PCDHGB4: variants seen among roughly 807,000 people sequenced by gnomAD.
PCDHGB4 encodes the protein protocadherin gamma subfamily B, 4.
In PCDHGB4, 38 loss-of-function variants were observed where a neutral mutation model predicts 60.5. The observed-to-expected ratio is 0.63, with a 90% CI of 0.48 to 0.82. PCDHGB4 has a LOEUF of 0.82. PCDHGB4 is among the 40% of genes least tolerant of loss of function. The pLI, the probability that PCDHGB4 is intolerant of heterozygous loss-of-function variation, is 0.00. For synonymous variants in PCDHGB4, 456 were observed against 509.7 expected (o/e 0.89, Z 1.42); for missense variants, 1,109 against 1,209.6 (o/e 0.92, Z 1.23).
chr5:141,393,577 T>C (rs781192019), intron 1 of PCDHGB4: 1 of 1,613,890 alleles, frequency 6.2e-7, no homozygotes, highest in Admixed American at 1.7e-5. Flanking sequence ...CTTGAGAACA[T>C]GCCCCCAGGC....
chr5:141,395,809 A>T (rs1448942836), intron 1 of PCDHGB4: 1 of 152,108 alleles, frequency 6.6e-6, no homozygotes, highest in Non-Finnish European at 1.5e-5. Flanking sequence ...CCTTCAAAAC[A>T]TGAACAAACT....
At chr5:141,404,326 A>G in intron 1 of PCDHGB4, 2 of 1,613,904 alleles carry the variant, frequency 1.2e-6, no homozygotes, top group Non-Finnish European at 1.7e-6. Context: ...CCTCCTACTC[A>G]GTCTACCTCC....
chr5:141,413,019 C>A (rs1056458163), intron 1 of PCDHGB4: 24 of 683,104 alleles, frequency 3.5e-5, no homozygotes, highest in Non-Finnish European at 5.2e-5. Flanking sequence ...ACTACACAAG[C>A]CCCACAAACC....
chr5:141,423,338 T>A, intron 1 of PCDHGB4: 1 of 1,614,150 alleles, frequency 6.2e-7, no homozygotes, highest in Middle Eastern at 1.6e-4. Flanking sequence ...GTCTCCTGCA[T>A]CTTCCTGGTC....
Position 141,389,118 on chromosome 5 carries a change from C to T in PCDHGB4, c.1234C>T (p.Gln412Ter). The part of the protein sequence containing the change: ...LVTDAVLDRE[Q>*]NPEYNITVTA... ...GACAGATGCTGTTCTAGACCGCGAG[C>T]AGAATCCAGAGTACAATATAACCGT... Residue 412 changes from glutamine (Q) to a stop codon, truncating the protein, a stop_gained, in exon 1 of 4, where the codon CAG becomes TAG. Coordinates refer to ENST00000519479, the MANE Select transcript of PCDHGB4 (RefSeq NM_003736.4). LOFTEE classifies it high-confidence loss of function. 6.2e-7 allele frequency: 1 copy of T among 1,614,006 alleles called. No homozygotes were observed. Among genetic ancestry groups the T allele is most frequent in the Non-Finnish European group, 8.5e-7 (1 of 1,179,884 alleles).
chr5:141,431,320 C>T lies in PCDHGB4; in HGVS notation c.2397+41039C>T. On this transcript the variant is annotated intron_variant, in intron 1 of 3. Coordinates refer to ENST00000519479, the MANE Select transcript of PCDHGB4 (RefSeq NM_003736.4). The surrounding 1 kb of genome is among the most constrained non-coding windows in gnomAD (Gnocchi z 4.8). ...CCCTCATCGTGCAAAATGGAGCCGA[C>T]GGTAGTAAGTACCCCGAATTGGTGC... is the stretch of plus-strand genomic sequence containing the variant. 1 of 1,614,102 alleles carries T rather than the reference C, an allele frequency of 6.2e-7. No homozygotes were observed. Among genetic ancestry groups the T allele is most frequent in the Non-Finnish European group, 8.5e-7 (1 of 1,180,038 alleles).
intron 1 of PCDHGB4, chr5:141,405,058 T>C (rs1174407561): frequency 1.2e-6 from 2 of 1,613,912 alleles, no homozygotes; most frequent in East Asian, 2.2e-5. Flanking sequence ...TCGTCTCCTG[T>C]GTCTTCCTCA....
intron 1 of PCDHGB4, chr5:141,415,653 G>C (rs947379829): frequency 1.4e-5 from 22 of 1,539,304 alleles, no homozygotes; most frequent in Non-Finnish European, 1.9e-5. Context: ...AAAAAAAAAA[G>C]ATTGGTTTTT....
chr5:141,396,611 C>T (rs1310113508), intron 1 of PCDHGB4: 1 of 150,986 alleles, frequency 6.6e-6, no homozygotes, highest in Non-Finnish European at 1.5e-5. Flanking sequence ...CAGGGTGAGA[C>T]TCCGTCTCAA....
At chr5:141,420,530 A>G (rs1038635436) in intron 1 of PCDHGB4, 9 of 336,858 alleles carry the variant, frequency 2.7e-5, no homozygotes, top group African/African-American at 6.4e-5. Flanking sequence ...CCTTTCGGTT[A>G]AAAATATAAA....
chr5:141,395,544 G>T (rs1352260391), intron 1 of PCDHGB4: 4 of 11,560 alleles, frequency 3.5e-4, no homozygotes, highest in African/African-American at 5.6e-4. Flanking sequence ...GCTATTGTTT[G>T]TGTGTGTGTG....
intron 2 of PCDHGB4, 35 bp from the exon 3 acceptor site, chr5:141,505,358 G>A (rs1156448862): frequency 6.2e-7 from 1 of 1,613,796 alleles, no homozygotes; most frequent in Non-Finnish European, 8.5e-7. Context: ...GTGCCGGCCT[G>A]GGAGTCTGTG....
chr5:141,495,939 G>A (rs1408330065), intron 2 of PCDHGB4, among the ~76,000 whole-genome samples: 1 of 151,994 alleles, frequency 6.6e-6, no homozygotes, highest in Non-Finnish European at 1.5e-5. Context: ...TCTGGTCTCT[G>A]TGCCTGTTGT....
At chr5:141,425,391 A>G (rs2096872046) in intron 1 of PCDHGB4, among the ~76,000 whole-genome samples, 1 of 152,238 alleles carries the variant, frequency 6.6e-6, no homozygotes, top group South Asian at 2.1e-4. Flanking sequence ...AGGTAGTGAT[A>G]AAGTTCTGTT....
At position 141,491,052 on chromosome 5, in the gene PCDHGB4, G is replaced by A. The variant is rs2099707642; in HGVS notation, c.2398-3755G>A. ...ATGCTGATGCAGGCCACAATGCGTG[G>A]CTCTCCTACTCACTGTTGCCACAGT... On this transcript the variant is annotated intron_variant, in intron 1 of 3. Transcript: ENST00000519479. The surrounding 1 kb of genome is among the most constrained non-coding windows in gnomAD (Gnocchi z 6.9). 3.1e-6 allele frequency: 5 copies of A among 1,614,038 alleles called. No individual in the cohort carries two copies. The highest frequency in any genetic ancestry group is 4.2e-6 in the Non-Finnish European group (5 of 1,180,032).
intron 1 of PCDHGB4, chr5:141,391,390 C>G (rs1268177633): frequency 6.6e-6 from 1 of 151,476 alleles, no homozygotes; most frequent in Non-Finnish European, 1.5e-5. Context: ...ATAGCTCCCT[C>G]CAGCCTCAAA....
chr5:141,493,336 A>G lies in PCDHGB4; in HGVS notation c.2398-1471A>G, dbSNP rs1049621539. Among the ~76,000 whole-genome samples, 4 of 152,202 alleles carry G rather than the reference A, an allele frequency of 2.6e-5. No homozygotes were observed. Among genetic ancestry groups the G allele is most frequent in the African/African-American group, 9.7e-5 (4 of 41,450 alleles). On this transcript the variant is annotated intron_variant, in intron 1 of 3. Transcript: ENST00000519479. The surrounding 1 kb of genome is among the most constrained non-coding windows in gnomAD (Gnocchi z 4.3). ...GAGATTCTAACCCCTGTCTAACTCC[A>G]GAATGTGTGCTTTTAATTTCTTGGC...
chr5:141,392,977 AC>A (rs1561639344), intron 1 of PCDHGB4: 1 of 1,613,678 alleles, frequency 6.2e-7, no homozygotes, highest in South Asian at 1.1e-5. Flanking sequence ...CTGGGGCTGG[AC>A]CCCCGGAAGC....
rs2154586748 is a variant in PCDHGB4 at position 141,491,733 on chromosome 5, T to A, written c.2398-3074T>A. The A allele has an allele frequency of 6.2e-7, 1 of 1,602,698 alleles. No individual in the cohort carries two copies. Among genetic ancestry groups the A allele is most frequent in the Non-Finnish European group, 8.5e-7 (1 of 1,175,258 alleles). On this transcript the variant is annotated intron_variant, in intron 1 of 3. Transcript: ENST00000519479. The surrounding 1 kb of genome is among the most constrained non-coding windows in gnomAD (Gnocchi z 6.9). ...GCTCGGCGCCGCCCCGGGCGACCCC[T>A]GGGGGCGGCACTGGAGAAGCCGCCC...
Sources: allele counts gnomAD v4.1 joint callset (sites outside exome capture counted in the v4.1 genomes callset), GRCh38; gene constraint gnomAD v4.1.1; non-coding constraint Gnocchi (gnomAD v3.1); transcripts MANE v1.5; gene names NCBI Gene and HGNC (gene_info 2026-07-23, HGNC 2026-07-21).